SHISA6: variants seen among roughly 807,000 people sequenced by gnomAD.
SHISA6 encodes the protein shisa family member 6, also known as protein shisa-6.
Under a neutral mutation model 47.9 loss-of-function variants are expected in SHISA6, and 22 were observed. That is an observed-to-expected ratio of 0.46 (90% confidence interval 0.33 to 0.66). The LOEUF is 0.66. Ranked by LOEUF, SHISA6 falls within the 30% of genes least tolerant of loss-of-function variation. The pLI is 0.02. For synonymous variants in SHISA6, 388 were observed against 337.8 expected, an observed-to-expected ratio of 1.15 and a Z score of -1.63; for missense variants, 680 against 764.6, an observed-to-expected ratio of 0.89 and a Z score of 1.30.
intron 2 of SHISA6, among the ~76,000 whole-genome samples, chr17:11,305,334 T>G (rs1012317655): frequency 6.6e-6 from 1 of 152,064 alleles, no homozygotes; most frequent in Non-Finnish European, 1.5e-5. Flanking sequence ...AGTCAACAAG[T>G]AAGAAAACCA....
At chr17:11,376,703 C>T (rs78562962) in intron 2 of SHISA6, among the ~76,000 whole-genome samples, 1 of 152,286 alleles carries the variant, frequency 6.6e-6, no homozygotes, top group East Asian at 1.9e-4. Context: ...ACAGAGAATG[C>T]AGATCATTCT....
At chr17:11,525,385 A>G (rs908578235) in intron 3 of SHISA6, among the ~76,000 whole-genome samples, 1 of 152,170 alleles carries the variant, frequency 6.6e-6, no homozygotes, top group East Asian at 1.9e-4. Context: ...CTGTAATCCC[A>G]GCACTTTGGG....
intron 2 of SHISA6, among the ~76,000 whole-genome samples, chr17:11,356,805 A>G (rs73975311): frequency 0.029 from 4,428 of 152,138 alleles, 197 homozygotes; most frequent in African/African-American, 0.09. Flanking sequence ...CCTTTCCTCT[A>G]AAGCCATGTG....
At chr17:11,287,168 G>A (rs1909331987) in intron 2 of SHISA6, among the ~76,000 whole-genome samples, 1 of 151,950 alleles carries the variant, frequency 6.6e-6, no homozygotes, top group African/African-American at 2.4e-5. Context: ...GCTGAGGTGG[G>A]AGGATCACTG....
intron 3 of SHISA6, among the ~76,000 whole-genome samples, chr17:11,386,684 A>G (rs1038057878): frequency 6.6e-6 from 1 of 152,250 alleles, no homozygotes; most frequent in Admixed American, 6.5e-5. Flanking sequence ...AAGTGAAAGC[A>G]GATAGAATCT....
intron 2 of SHISA6, among the ~76,000 whole-genome samples, chr17:11,328,028 T>C (rs1910966243): frequency 6.6e-6 from 1 of 152,194 alleles, no homozygotes; most frequent in Non-Finnish European, 1.5e-5. Context: ...ACAAATTCAT[T>C]CACTTTTTTG....
chr17:11,341,205 A>G (rs1256247060), intron 2 of SHISA6, among the ~76,000 whole-genome samples: 4 of 152,194 alleles, frequency 2.6e-5, no homozygotes, highest in Non-Finnish European at 4.4e-5. Context: ...ACCATTCTAC[A>G]GTGTTAATGC....
In SHISA6 at chr17:11,542,032, G is replaced by A. The variant is rs191505266; in HGVS notation, c.896-9864G>A. Among the ~76,000 whole-genome samples the A allele has an allele frequency of 2.1e-3, 316 of 152,272 alleles. 2 individuals carry two copies. Among genetic ancestry groups the A allele is most frequent in the Middle Eastern group, 3.4e-3 (1 of 294 alleles). ...AATAATCTGAGAAGCATTTATGGTTGAACAACTGCTGAACTTCAGGTAAGA... is the reference window on the plus strand; with the variant it reads ...AATAATCTGAGAAGCATTTATGGTTAAACAACTGCTGAACTTCAGGTAAGA... On this transcript the variant is annotated intron_variant, in intron 3 of 5. Coordinates refer to ENST00000441885, the MANE Select transcript of SHISA6 (RefSeq NM_207386.4).
chr17:11,462,660 GC>G (rs1915720761), intron 3 of SHISA6, among the ~76,000 whole-genome samples: 1 of 151,854 alleles, frequency 6.6e-6, no homozygotes, highest in African/African-American at 2.4e-5. Flanking sequence ...TCACTCTGTT[GC>G]CCAGGCTGGA....
chr17:11,510,818 A>G (rs2071535135), intron 3 of SHISA6, among the ~76,000 whole-genome samples: 1 of 152,192 alleles, frequency 6.6e-6, no homozygotes, highest in East Asian at 1.9e-4. Flanking sequence ...GTCCATAAAA[A>G]TGTCTCACTA....
intron 3 of SHISA6, among the ~76,000 whole-genome samples, chr17:11,382,692 C>G (rs1337663894): frequency 2.6e-5 from 4 of 152,168 alleles, no homozygotes; most frequent in South Asian, 4.1e-4. Flanking sequence ...ACATTTTCCT[C>G]CAGCCTCCTG....
intron 2 of SHISA6, among the ~76,000 whole-genome samples, chr17:11,334,365 G>C (rs956333405): frequency 6.6e-6 from 1 of 152,180 alleles, no homozygotes; most frequent in African/African-American, 2.4e-5. Context: ...GAAGCGTTGT[G>C]AGTAAAAACA....
chr17:11,543,639 G>A (rs1054723231), intron 3 of SHISA6, among the ~76,000 whole-genome samples: 2 of 151,952 alleles, frequency 1.3e-5, no homozygotes, highest in Non-Finnish European at 2.9e-5. Context: ...GGCAAAGGAA[G>A]TAGAATAGCT....
chr17:11,482,868 T>A (rs1466042611), intron 3 of SHISA6, among the ~76,000 whole-genome samples: 1 of 152,144 alleles, frequency 6.6e-6, no homozygotes, highest in Non-Finnish European at 1.5e-5. Flanking sequence ...ATAAAAACTA[T>A]ATAGGTTTTA....
intron 2 of SHISA6, among the ~76,000 whole-genome samples, chr17:11,323,464 G>T (rs1910775310): frequency 6.6e-6 from 1 of 151,976 alleles, no homozygotes; most frequent in African/African-American, 2.4e-5. Flanking sequence ...AGCCCAGCCT[G>T]ACCAACATGG....
chr17:11,269,698 G>A (rs9909830), intron 2 of SHISA6, among the ~76,000 whole-genome samples: 19,411 of 152,142 alleles, frequency 0.13, 1,777 homozygotes, highest in African/African-American at 0.26. Context: ...CTGTTGTTCT[G>A]GAGGAGTCTG....
At position 11,407,557 on chromosome 17, in the gene SHISA6, A is replaced by G. The variant is rs1914001355; in HGVS notation, c.895+28048A>G. On this transcript the variant is annotated intron_variant, in intron 3 of 5. Coordinates refer to ENST00000441885, the MANE Select transcript of SHISA6 (RefSeq NM_207386.4). ...ATAGAGCCATACCCATCTCTTAGAA[A>G]ATAGACACAGGGACTTTCAATAGCT... is the stretch of plus-strand genomic sequence containing the variant. 2.0e-5 allele frequency among the ~76,000 whole-genome samples: 3 copies of G among 152,168 alleles called. No homozygotes were observed. The South Asian group carries it at 6.2e-4, about 32-fold the overall frequency.
chr17:11,554,526 C>T (rs575612333), intron 4 of SHISA6, among the ~76,000 whole-genome samples: 6 of 152,326 alleles, frequency 3.9e-5, no homozygotes, highest in African/African-American at 1.4e-4. Context: ...CGTTTCCACA[C>T]TCTTTTTGCC....
intron 2 of SHISA6, among the ~76,000 whole-genome samples, chr17:11,280,804 G>T (rs1237449901): frequency 6.6e-6 from 1 of 152,196 alleles, no homozygotes; most frequent in African/African-American, 2.4e-5. Flanking sequence ...GTGCTCAATG[G>T]GTTGAATGGC....
Sources: allele counts gnomAD v4.1 joint callset (sites outside exome capture counted in the v4.1 genomes callset), GRCh38; gene constraint gnomAD v4.1.1; transcripts MANE v1.5; gene names NCBI Gene and HGNC (gene_info 2026-07-23, HGNC 2026-07-21).